SUSD1: variants seen among roughly 807,000 people sequenced by gnomAD.
SUSD1 encodes sushi domain containing 1, also known as sushi domain-containing protein 1.
SUSD1 carries 65 observed loss-of-function variants against 86.9 expected under a neutral mutation model. The observed-to-expected ratio is 0.75, with a 90% CI of 0.61 to 0.92. The LOEUF (loss-of-function observed/expected upper bound fraction) is 0.92, where lower values mean the gene tolerates loss of function less well. Ranked by LOEUF, SUSD1 falls within the 40% of genes least tolerant of loss-of-function variation. SUSD1 has a pLI of 0.00. For missense variants in SUSD1, 850 were observed against 929.7 expected (o/e 0.91, Z 1.11); for synonymous variants, 346 against 350.0 (o/e 0.99, Z 0.13).
rs746634659 is a variant in SUSD1 at position 112,062,942 on chromosome 9, T to G, written c.1845A>C (p.Pro615=). The G allele has an allele frequency of 6.2e-7, 1 of 1,606,604 alleles. No individual in the cohort carries two copies. Among genetic ancestry groups the G allele is most frequent in the South Asian group, 1.1e-5 (1 of 90,892 alleles). ...GAGAAAGGACAGCTACTGACCTGATTGGTCCATTTTTCTCCTTGGCTTTCC... is the reference window on the plus strand; with the variant it reads ...GAGAAAGGACAGCTACTGACCTGATGGGTCCATTTTTCTCCTTGGCTTTCC... ...RLRKAKEKNG[P]ISSYQVLVLP... The change falls in exon 13 of 17, where the codon CCA becomes CCC. Residue 615 remains proline (P), a synonymous_variant. Coordinates refer to ENST00000374270, the MANE Select transcript of SUSD1 (RefSeq NM_022486.5).
At position 112,143,542 on chromosome 9, in the gene SUSD1, C is replaced by G. The variant is rs1832676729; in HGVS notation, c.455G>C (p.Cys152Ser). ...ATTCCTTGGCAAGTATCCATCCATA[C>G]AGTAGCATTCAAAGCTCCCATGAGT... ...VNTHGSFECY[C>S]MDGYLPRNGP... The change falls in exon 4 of 17, where the codon TGT becomes TCT. Residue 152 changes from cysteine (C) to serine (S), a missense_variant. Physicochemically the swap from Cys to Ser is moderately radical, Grantham distance 112. Coordinates refer to ENST00000374270, the MANE Select transcript of SUSD1 (RefSeq NM_022486.5). The G allele has an allele frequency of 6.2e-7, 1 of 1,613,984 alleles. No homozygotes were observed. The highest frequency in any genetic ancestry group is 1.7e-5 in the Admixed American group (1 of 59,992).
intron 6 of SUSD1, among the ~76,000 whole-genome samples, chr9:112,116,545 A>C (rs192612372): frequency 6.6e-6 from 1 of 152,368 alleles, no homozygotes; most frequent in Admixed American, 6.5e-5. Flanking sequence ...TACTAACTGA[A>C]TGGCTATCAA....
At chr9:112,152,842 C>T (rs1295841702) in intron 2 of SUSD1, among the ~76,000 whole-genome samples, 1 of 146,428 alleles carries the variant, frequency 6.8e-6, no homozygotes, top group Non-Finnish European at 1.5e-5. Flanking sequence ...GCAGCCTCAA[C>T]CTCCTCGGCT....
chr9:112,112,006 G>C (rs1831121594), intron 7 of SUSD1, 166 bp from the exon 8 acceptor site: 1 of 643,544 alleles, frequency 1.6e-6, no homozygotes, highest in Non-Finnish European at 2.6e-6. Context: ...GATCAGCCCA[G>C]TGAATATTAA....
At chr9:112,138,259 G>GTGTATATACATATATATATATGTA (rs1564328990) in intron 5 of SUSD1, among the ~76,000 whole-genome samples, 1 of 18,386 alleles carries the variant, frequency 5.4e-5, no homozygotes. Context: ...ATATATATGT[G>GTGTATATACATATATATATATGTA]TATATACATA....
rs529470594 is a variant in SUSD1 at position 112,142,961 on chromosome 9, C to CTTTT, written c.527-466_527-463dup. ...AATCCTTTAAGTTTATGAATTTTAGCTTTTTTTTTTTTTTTTTTTTTTTTT... is the reference window on the plus strand; with the variant it reads ...AATCCTTTAAGTTTATGAATTTTAGCTTTTTTTTTTTTTTTTTTTTTTTTTTTTT... On this transcript the variant is annotated intron_variant, in intron 4 of 16. Transcript: ENST00000374270. Among the ~76,000 whole-genome samples, 84 of 30,214 alleles carry CTTTT rather than the reference C, an allele frequency of 2.8e-3. 24 individuals are homozygous for CTTTT. The highest frequency in any genetic ancestry group is 6.4e-3 in the South Asian group (3 of 466). The allele number at this position is 30,214 out of a possible 152,430, so 19.8% of individuals were successfully genotyped here.
intron 1 of SUSD1, among the ~76,000 whole-genome samples, chr9:112,174,682 A>G (rs1834190357): frequency 6.6e-6 from 1 of 152,210 alleles, no homozygotes; most frequent in Non-Finnish European, 1.5e-5. Flanking sequence ...AACAACGTGA[A>G]AAAATTAAAA....
chr9:112,112,089 C>A lies in SUSD1; in HGVS notation c.985-249G>T, dbSNP rs202226847. On this transcript the variant is annotated intron_variant, in intron 7 of 16. Transcript: ENST00000374270. ...CTGCACACAAATGATCAAATGGAGA[C>A]AATTGCAACCTGAGGACCATTGGCT... 1.6e-4 allele frequency: 60 copies of A among 369,044 alleles called. No homozygotes were observed. The East Asian group carries it at 2.8e-3, about 17-fold the overall frequency. 22.9% of individuals were successfully genotyped at this position (369,044 alleles called of 1,614,324 possible).
Position 112,041,059 on chromosome 9 carries a change from T to G in SUSD1, c.*433A>C. On this transcript the variant is annotated 3_prime_UTR_variant, in exon 17 of 17. Transcript: ENST00000374270. Reference sequence around the variant, plus strand: ...AACTTAAGCCCATCTCACTGCATATTGTAAAGAATGGATTCTGAATGAATT... The same window carrying G: ...AACTTAAGCCCATCTCACTGCATATGGTAAAGAATGGATTCTGAATGAATT... 1 of 224,124 alleles carries G rather than the reference T, an allele frequency of 4.5e-6. No individual in the cohort carries two copies. Among genetic ancestry groups the G allele is most frequent in the Non-Finnish European group, 8.8e-6 (1 of 113,720 alleles). The allele number at this position is 224,124 out of a possible 1,614,324, so 13.9% of individuals were successfully genotyped here. A position where few individuals can be genotyped will look rare whatever the true frequency, so the allele number is the denominator to read the frequency against.
chr9:112,081,205 T>C (rs1829753437), intron 10 of SUSD1, among the ~76,000 whole-genome samples: 1 of 152,184 alleles, frequency 6.6e-6, no homozygotes, highest in Non-Finnish European at 1.5e-5. Context: ...ACTGTGATGA[T>C]TAACGAGTGA....
intron 5 of SUSD1, among the ~76,000 whole-genome samples, chr9:112,126,171 A>G (rs558801015): frequency 6.6e-6 from 1 of 152,346 alleles, no homozygotes; most frequent in South Asian, 2.1e-4. Context: ...TGACATCTGA[A>G]ACATCTTCTA....
At chr9:112,144,323 A>G (rs1832714507) in intron 3 of SUSD1, among the ~76,000 whole-genome samples, 1 of 151,962 alleles carries the variant, frequency 6.6e-6, no homozygotes, top group Non-Finnish European at 1.5e-5. Flanking sequence ...CAGTCACTAT[A>G]AATATATCCA....
intron 11 of SUSD1, 95 bp from the exon 12 acceptor site, chr9:112,078,819 T>C: frequency 8.9e-7 from 1 of 1,122,726 alleles, no homozygotes; most frequent in Non-Finnish European, 1.2e-6. Context: ...CTCTTTTTTT[T>C]TTTTTTTTTT....
intron 10 of SUSD1, among the ~76,000 whole-genome samples, chr9:112,095,907 G>T (rs908221580): frequency 5.9e-5 from 9 of 152,080 alleles, no homozygotes; most frequent in African/African-American, 2.2e-4. Flanking sequence ...GTAGAAATAG[G>T]GCTCAAGGGA....
chr9:112,063,117 A>G, intron 12 of SUSD1, 84 bp from the exon 13 acceptor site: 4 of 810,606 alleles, frequency 4.9e-6, no homozygotes, highest in Non-Finnish European at 8.4e-6. Context: ...GAGGGCTATC[A>G]AAAAGAAAGT....
At chr9:112,124,626 G>C (rs1261138268) in intron 5 of SUSD1, among the ~76,000 whole-genome samples, 190 bp from the exon 6 acceptor site, 1 of 152,106 alleles carries the variant, frequency 6.6e-6, no homozygotes, top group Non-Finnish European at 1.5e-5. Context: ...CACACATAGA[G>C]AATAGTCAAA....
chr9:112,050,479 T>C (rs559637112), intron 15 of SUSD1, among the ~76,000 whole-genome samples: 12 of 152,260 alleles, frequency 7.9e-5, no homozygotes, highest in African/African-American at 2.6e-4. Flanking sequence ...TCCTGCACAG[T>C]ATTCTCTACT....
intron 1 of SUSD1, chr9:112,173,843 CAT>C: frequency 3.3e-6 from 1 of 299,462 alleles, no homozygotes; most frequent in East Asian, 8.4e-5. Context: ...TGGCAAACCG[CAT>C]GTTTGTCAGG....
intron 14 of SUSD1, among the ~76,000 whole-genome samples, chr9:112,054,779 A>G (rs1454790077): frequency 1.3e-5 from 2 of 152,194 alleles, no homozygotes; most frequent in Non-Finnish European, 2.9e-5. Context: ...GGATTTCTCA[A>G]TGACTTCTTG....
Sources: allele counts gnomAD v4.1 joint callset (sites outside exome capture counted in the v4.1 genomes callset), GRCh38; gene constraint gnomAD v4.1.1; transcripts MANE v1.5; gene names NCBI Gene and HGNC (gene_info 2026-07-23, HGNC 2026-07-21).